KLHL29: variants seen among roughly 807,000 people sequenced by gnomAD.
KLHL29 encodes the protein kelch-like protein 29.
A neutral mutation model predicts 80.4 loss-of-function variants in KLHL29; 21 were observed. That is an observed-to-expected ratio of 0.26 (90% CI 0.19 to 0.38). The LOEUF (loss-of-function observed/expected upper bound fraction) is 0.38. KLHL29 is among the 10% of genes least tolerant of loss of function. The pLI, the probability that KLHL29 is intolerant of heterozygous loss-of-function variation, is 1.00. For synonymous variants in KLHL29, 511 were observed against 526.8 expected (o/e 0.97, Z 0.41); for missense variants, 867 against 1,223.9 (o/e 0.71, Z 4.35).
rs1357232727 is a variant in KLHL29 at position 23,624,733 on chromosome 2, C to T, written c.286-14406C>T. Among the ~76,000 whole-genome samples the T allele has an allele frequency of 5.9e-5, 9 of 152,204 alleles. No homozygotes were observed. In the East Asian group the frequency reaches 1.3e-3, roughly 23 times the overall value. On this transcript the variant is annotated intron_variant, in intron 3 of 13. Coordinates refer to ENST00000486442, the MANE Select transcript of KLHL29 (RefSeq NM_052920.2). ...AGAAAACTGATGGAGAAAGACTGTG[C>T]CTTTGGCACAGCATCCTTCTTATAA... is the stretch of plus-strand genomic sequence containing the variant.
intron 3 of KLHL29, among the ~76,000 whole-genome samples, chr2:23,591,221 G>A (rs1668251646): frequency 1.3e-5 from 2 of 152,246 alleles, no homozygotes; most frequent in East Asian, 3.9e-4. Context: ...CTGAGGGAGG[G>A]GTGAGGAACA....
intron 1 of KLHL29, among the ~76,000 whole-genome samples, chr2:23,471,101 C>T (rs543031057): frequency 5.3e-5 from 8 of 152,308 alleles, no homozygotes; most frequent in African/African-American, 1.4e-4. Flanking sequence ...AGCCGGTTTC[C>T]TCCCTACAGT....
chr2:23,683,681 G>C (rs751314), intron 5 of KLHL29, among the ~76,000 whole-genome samples: 4,973 of 152,326 alleles, frequency 0.033, 100 homozygotes, highest in South Asian at 0.086. Context: ...CTGCCGGGCT[G>C]TAAAGCAGGC....
chr2:23,645,892 G>C (rs771386315), intron 5 of KLHL29, among the ~76,000 whole-genome samples: 19 of 152,198 alleles, frequency 1.2e-4, no homozygotes, highest in Non-Finnish European at 2.2e-4. Flanking sequence ...TCAAGCGATT[G>C]TCTCTCATCT....
chr2:23,621,680 G>T (rs1469164979), intron 3 of KLHL29, among the ~76,000 whole-genome samples: 1 of 152,072 alleles, frequency 6.6e-6, no homozygotes, highest in East Asian at 1.9e-4. Context: ...ATAAGTAAGG[G>T]CATCAGTATA....
intron 3 of KLHL29, among the ~76,000 whole-genome samples, chr2:23,629,404 A>T (rs1355799043): frequency 6.6e-6 from 1 of 152,062 alleles, no homozygotes. Context: ...CTTATTTCAA[A>T]GCCCCTTTGA....
At chr2:23,673,190 A>G (rs1166652263) in intron 5 of KLHL29, among the ~76,000 whole-genome samples, 3 of 151,212 alleles carry the variant, frequency 2.0e-5, no homozygotes, top group Non-Finnish European at 4.4e-5. Flanking sequence ...CCCATGCCAC[A>G]TGCTGTCTCA....
chr2:23,656,577 A>C (rs1032572012), intron 5 of KLHL29, among the ~76,000 whole-genome samples: 3 of 152,226 alleles, frequency 2.0e-5, no homozygotes, highest in African/African-American at 7.2e-5. Context: ...GGAACACCTT[A>C]GGCTGAGTGA....
chr2:23,486,906 A>C (rs1427523222), intron 2 of KLHL29, among the ~76,000 whole-genome samples: 1 of 152,190 alleles, frequency 6.6e-6, no homozygotes, highest in Admixed American at 6.5e-5. Flanking sequence ...AGGGCTGGCC[A>C]AGTGCCCAAG....
At chr2:23,409,785 C>T (rs116353949) in intron 1 of KLHL29, among the ~76,000 whole-genome samples, 1,753 of 152,306 alleles carry the variant, frequency 0.012, 22 homozygotes, top group South Asian at 0.056. Flanking sequence ...AGATGTTTAT[C>T]AGATAGTGCA....
At chr2:23,548,971 T>C (rs1667054655) in intron 2 of KLHL29, among the ~76,000 whole-genome samples, 1 of 152,226 alleles carries the variant, frequency 6.6e-6, no homozygotes, top group Non-Finnish European at 1.5e-5. Flanking sequence ...AGGGGGTCAC[T>C]GATCCCTTCC....
intron 2 of KLHL29, among the ~76,000 whole-genome samples, chr2:23,480,508 A>C (rs1194333508): frequency 8.3e-5 from 12 of 144,456 alleles, no homozygotes; most frequent in East Asian, 2.0e-4. Flanking sequence ...ACAAAAAAAA[A>C]CTACAGATGC....
chr2:23,483,978 C>G (rs1664863950), intron 2 of KLHL29, among the ~76,000 whole-genome samples: 1 of 152,198 alleles, frequency 6.6e-6, no homozygotes, highest in African/African-American at 2.4e-5. Flanking sequence ...TCAAGCCAGG[C>G]ATTGACCATC....
chr2:23,693,979 G>A (rs964123607), intron 8 of KLHL29, among the ~76,000 whole-genome samples: 4 of 152,208 alleles, frequency 2.6e-5, no homozygotes, highest in African/African-American at 7.2e-5. Context: ...CCCAGATCTC[G>A]CCATTGAGCC....
intron 11 of KLHL29, among the ~76,000 whole-genome samples, chr2:23,699,995 T>G (rs1186644067): frequency 6.6e-6 from 1 of 152,172 alleles, no homozygotes; most frequent in Non-Finnish European, 1.5e-5. Context: ...CTGCAGTCAT[T>G]CCTACAAATA....
At chr2:23,400,280 G>A (rs1237904232) in intron 1 of KLHL29, among the ~76,000 whole-genome samples, 2 of 152,158 alleles carry the variant, frequency 1.3e-5, no homozygotes, top group Admixed American at 1.3e-4. Context: ...GGGTTTGGGT[G>A]GCCTGTCCCC....
intron 2 of KLHL29, among the ~76,000 whole-genome samples, chr2:23,526,950 G>A (rs1011093846): frequency 1.3e-5 from 2 of 152,172 alleles, no homozygotes; most frequent in African/African-American, 2.4e-5. Flanking sequence ...GGGAGCCCCC[G>A]CAGGGTTTCG....
At chr2:23,694,151 A>G (rs947772775) in intron 8 of KLHL29, among the ~76,000 whole-genome samples, 2 of 152,226 alleles carry the variant, frequency 1.3e-5, no homozygotes, top group Non-Finnish European at 2.9e-5. Context: ...CCCTCTGCTC[A>G]GTGGCCTTCT....
intron 1 of KLHL29, among the ~76,000 whole-genome samples, chr2:23,444,267 A>C (rs531377825): frequency 6.6e-6 from 1 of 152,316 alleles, no homozygotes; most frequent in Non-Finnish European, 1.5e-5. Context: ...TCAGATTTAG[A>C]ACTCAAGATT....
Sources: allele counts gnomAD v4.1 joint callset (sites outside exome capture counted in the v4.1 genomes callset), GRCh38; gene constraint gnomAD v4.1.1; transcripts MANE v1.5; gene names NCBI Gene and HGNC (gene_info 2026-07-23, HGNC 2026-07-21).